FAM114A1: variants seen among roughly 807,000 people sequenced by gnomAD.
FAM114A1 encodes protein NOXP20.
Under a neutral mutation model 64.3 loss-of-function variants are expected in FAM114A1, and 62 were observed. The ratio of observed to expected loss-of-function variants is 0.96; its 90% CI spans 0.79 to 1.19. The LOEUF is 1.19. Ranked by LOEUF, FAM114A1 falls within the 50% of genes most tolerant of loss-of-function variation. FAM114A1 has a pLI of 0.00. For missense variants in FAM114A1, 645 were observed against 676.3 expected (o/e 0.95, Z 0.51); for synonymous variants, 254 against 251.1 (o/e 1.01, Z -0.11).
At chr4:38,919,785 G>A (rs1304656217) in intron 8 of FAM114A1, among the ~76,000 whole-genome samples, 2 of 152,170 alleles carry the variant, frequency 1.3e-5, no homozygotes, top group African/African-American at 4.8e-5. Flanking sequence ...CTTCTCTGCT[G>A]ACAGTCCATT....
chr4:38,931,661 A>G (rs762550241), intron 11 of FAM114A1, 49 bp downstream of exon 11: 2 of 1,516,144 alleles, frequency 1.3e-6, no homozygotes, highest in South Asian at 1.3e-5. Context: ...GAGTGTGTTC[A>G]TTTTATTAGC....
chr4:38,910,149 G>T (rs1379199273), intron 7 of FAM114A1, among the ~76,000 whole-genome samples: 1 of 151,942 alleles, frequency 6.6e-6, no homozygotes, highest in Non-Finnish European at 1.5e-5. Flanking sequence ...TGAGGCAGGG[G>T]AATTGCTTGA....
intron 4 of FAM114A1, among the ~76,000 whole-genome samples, chr4:38,892,657 G>A (rs1198622905): frequency 2.6e-5 from 4 of 152,182 alleles, no homozygotes; most frequent in Non-Finnish European, 4.4e-5. Context: ...CATCTTGAAG[G>A]TGGAAGATAA....
At chr4:38,897,966 A>G (rs1176717392) in intron 4 of FAM114A1, among the ~76,000 whole-genome samples, 1 of 152,008 alleles carries the variant, frequency 6.6e-6, no homozygotes, top group Non-Finnish European at 1.5e-5. Context: ...AAAGAAAGAA[A>G]AAAGAAAAGA....
chr4:38,912,665 A>C (rs1209270152), intron 7 of FAM114A1, among the ~76,000 whole-genome samples: 1 of 152,190 alleles, frequency 6.6e-6, no homozygotes, highest in East Asian at 1.9e-4. Flanking sequence ...TACAGGCGTG[A>C]GCCACCGCGC....
intron 7 of FAM114A1, among the ~76,000 whole-genome samples, chr4:38,911,844 CTTTTTT>C (rs771972308): frequency 8.7e-6 from 1 of 115,194 alleles, no homozygotes; most frequent in East Asian, 2.8e-4. Context: ...TTTTTTTTTT[CTTTTTT>C]TTTCTTTTTT....
intron 10 of FAM114A1, among the ~76,000 whole-genome samples, chr4:38,930,249 T>C (rs1720519149): frequency 6.6e-6 from 1 of 152,216 alleles, no homozygotes; most frequent in South Asian, 2.1e-4. Flanking sequence ...TGATCATTAA[T>C]TACTTAAAAC....
chr4:38,873,613 G>A (rs1714316198), intron 2 of FAM114A1, among the ~76,000 whole-genome samples: 1 of 152,214 alleles, frequency 6.6e-6, no homozygotes, highest in Admixed American at 6.5e-5. Flanking sequence ...GAAGGAAAAT[G>A]TTCAACCTGG....
At chr4:38,920,405 T>G (rs1197329242) in intron 8 of FAM114A1, among the ~76,000 whole-genome samples, 1 of 152,150 alleles carries the variant, frequency 6.6e-6, no homozygotes, top group African/African-American at 2.4e-5. Flanking sequence ...TAAATACTTA[T>G]GGAGAAGTGT....
intron 3 of FAM114A1, among the ~76,000 whole-genome samples, chr4:38,883,155 C>G (rs1373037476): frequency 6.6e-6 from 1 of 152,050 alleles, no homozygotes; most frequent in Non-Finnish European, 1.5e-5. Flanking sequence ...TGCATTATGC[C>G]CAGAAATCTG....
At chr4:38,887,375 C>T (rs951493221) in intron 3 of FAM114A1, among the ~76,000 whole-genome samples, 1 of 152,212 alleles carries the variant, frequency 6.6e-6, no homozygotes, top group African/African-American at 2.4e-5. Flanking sequence ...TACCAAGTTA[C>T]ACACGTTTAA....
intron 2 of FAM114A1, among the ~76,000 whole-genome samples, chr4:38,873,568 G>A (rs560112775): frequency 8.5e-4 from 129 of 152,280 alleles, no homozygotes; most frequent in African/African-American, 3.0e-3. Context: ...ACTGTCTAAA[G>A]TAAGATAAAC....
chr4:38,912,121 A>G (rs1407250078), intron 7 of FAM114A1, among the ~76,000 whole-genome samples: 1 of 151,930 alleles, frequency 6.6e-6, no homozygotes, highest in Admixed American at 6.6e-5. Context: ...TTGGCCTTGA[A>G]AAGTGCTGAG....
intron 4 of FAM114A1, among the ~76,000 whole-genome samples, chr4:38,898,404 C>T (rs1308233045): frequency 6.6e-6 from 1 of 152,154 alleles, no homozygotes; most frequent in Non-Finnish European, 1.5e-5. Context: ...GTGTTTATTA[C>T]AGAGAATGGC....
intron 4 of FAM114A1, among the ~76,000 whole-genome samples, chr4:38,892,248 A>G (rs1716486852): frequency 6.6e-6 from 1 of 152,226 alleles, no homozygotes; most frequent in South Asian, 2.1e-4. Context: ...AGGATTTGAG[A>G]TATCTTGATA....
At chr4:38,875,884 T>C (rs1714563148) in intron 2 of FAM114A1, among the ~76,000 whole-genome samples, 1 of 152,242 alleles carries the variant, frequency 6.6e-6, no homozygotes, top group Admixed American at 6.5e-5. Context: ...GAAAGTTCCA[T>C]TGAATAGTGC....
chr4:38,879,740 T>G (rs1008400071), intron 3 of FAM114A1, among the ~76,000 whole-genome samples: 10 of 152,240 alleles, frequency 6.6e-5, no homozygotes, highest in African/African-American at 2.4e-4. Context: ...AAATTTTGTT[T>G]ATGAGTTTCA....
chr4:38,872,457 C>T (rs908968920), intron 2 of FAM114A1, among the ~76,000 whole-genome samples: 1 of 152,176 alleles, frequency 6.6e-6, no homozygotes, highest in Non-Finnish European at 1.5e-5. Context: ...TTATAGAAAA[C>T]TGAAATATTT....
At position 38,941,227 on chromosome 4, in the gene FAM114A1, T is replaced by C. The variant is rs144610116; in HGVS notation, c.1590+206T>C. On this transcript the variant is annotated intron_variant, in intron 14 of 14. Transcript: ENST00000358869. ...ATACCTAATTTTCAAGAATTCCTGA[T>C]TATAAAAAGAAATGCTAAGCTTGCA... 9.2e-3 allele frequency among the ~76,000 whole-genome samples: 1,404 copies of C among 152,266 alleles called. 89 individuals are homozygous for C. Among genetic ancestry groups the C allele is most frequent in the Admixed American group, 0.084 (1,287 of 15,276 alleles).
Sources: allele counts gnomAD v4.1 joint callset (sites outside exome capture counted in the v4.1 genomes callset), GRCh38; gene constraint gnomAD v4.1.1; transcripts MANE v1.5; gene names NCBI Gene and HGNC (gene_info 2026-07-23, HGNC 2026-07-21).